The following NLRC3 variants were observed in gnomAD, a reference collection of about 807,000 sequenced individuals.
The protein encoded by NLRC3 is NLR family CARD domain-containing protein 3.
A neutral mutation model predicts 91.6 loss-of-function variants in NLRC3; 87 were observed. The observed-to-expected ratio is 0.95, with a 90% CI of 0.80 to 1.14. The LOEUF (loss-of-function observed/expected upper bound fraction) is 1.14, where lower values mean the gene tolerates loss of function less well. NLRC3 is among the 50% of genes most tolerant of loss of function. NLRC3 has a pLI of 0.00. For missense variants in NLRC3, 1,577 were observed against 1,418.6 expected, an observed-to-expected ratio of 1.11 and a Z score of -1.79; for synonymous variants, 694 against 625.3, an observed-to-expected ratio of 1.11 and a Z score of -1.64.
At position 3,564,107 on chromosome 16, in the gene NLRC3, C is replaced by T. The variant is rs368392722; in HGVS notation, c.830G>A (p.Gly277Glu). 4 of 1,613,710 alleles carry T rather than the reference C, an allele frequency of 2.5e-6. No individual in the cohort carries two copies. The highest frequency in any genetic ancestry group is 3.4e-6 in the Non-Finnish European group (4 of 1,179,894). The change falls in exon 5 of 20, where the codon GGG becomes GAG. Residue 277 changes from glycine to glutamate, a missense_variant. Physicochemically the swap from Gly to Glu is moderately conservative, Grantham distance 98. Coordinates refer to ENST00000359128, the MANE Select transcript of NLRC3 (RefSeq NM_178844.4). The surrounding 1 kb of genome is among the most constrained non-coding windows in gnomAD (Gnocchi z 5.9). ...SRPSASGQIPGGLVDRMTEIR... is the reference protein window; with the variant it reads ...SRPSASGQIPEGLVDRMTEIR... The stretch of plus-strand genomic sequence containing the variant: ...CTCCGTCATCCGGTCCACCAGGCCC[C>T]CTGGGATCTGGCCAGATGCACTGGG...
rs534961472 is a variant in NLRC3, at chr16:3,544,337, C to T, written c.2772-8G>A. The T allele has an allele frequency of 8.1e-6, 13 of 1,604,770 alleles. No homozygotes were observed. The African/African-American group carries it at 1.2e-4, about 15-fold the overall frequency. ...ATGGCGTTCTCCTGTAAACTAGACA[C>T]AGAGTATGACCCCTTTGGGTGCACG... On this transcript the variant is annotated splice_polypyrimidine_tract_variant and splice_region_variant and intron_variant, in intron 15 of 19. Transcript: ENST00000359128.
chr16:3,539,164 A>T lies in NLRC3; in HGVS notation c.*2661T>A, dbSNP rs1027882577. 6.6e-6 allele frequency: 1 copy of T among 152,164 alleles called. No individual in the cohort carries two copies. The highest frequency in any genetic ancestry group is 1.5e-5 in the Non-Finnish European group (1 of 68,046). 9.4% of individuals were successfully genotyped at this position (152,164 alleles called of 1,614,324 possible). On this transcript the variant is annotated 3_prime_UTR_variant, in exon 20 of 20. Coordinates refer to ENST00000359128, the MANE Select transcript of NLRC3 (RefSeq NM_178844.4). ...ATAGATCCCTCTCATTAGCACTTTA[A>T]TATCAGTGTCACGTGTCTGGAAGGA...
chr16:3,562,649 A>G (rs1428369437), intron 5 of NLRC3, among the ~76,000 whole-genome samples: 1 of 152,096 alleles, frequency 6.6e-6, no homozygotes, highest in East Asian at 1.9e-4. Flanking sequence ...TCAAAAAAAA[A>G]GAGAGGACAG....
At chr16:3,550,972 C>T (rs1240662349) in intron 10 of NLRC3, among the ~76,000 whole-genome samples, 1 of 152,046 alleles carries the variant, frequency 6.6e-6, no homozygotes, top group East Asian at 1.9e-4. Flanking sequence ...TACTTACCCA[C>T]CCACTCATTC....
At chr16:3,561,613 G>C in intron 6 of NLRC3, 89 bp downstream of exon 6, 1 of 891,996 alleles carries the variant, frequency 1.1e-6, no homozygotes, top group Non-Finnish European at 1.8e-6. Context: ...TGGCAGCGCC[G>C]CTGGCCAGCT....
chr16:3,560,597 A>G lies in NLRC3; in HGVS notation c.2015+1105T>C, dbSNP rs376275675. Among the ~76,000 whole-genome samples, 41 of 152,284 alleles carry G rather than the reference A, an allele frequency of 2.7e-4. No homozygotes were observed. The South Asian group carries it at 8.5e-3, about 32-fold the overall frequency. ...TCCAGGAGACGTTTCATAAGCACAC[A>G]TTCACCATGTGAACTTTTGTCTAAT... On this transcript the variant is annotated intron_variant, in intron 6 of 19. Coordinates refer to ENST00000359128, the MANE Select transcript of NLRC3 (RefSeq NM_178844.4).
rs765628481 is a variant in NLRC3, at chr16:3,564,459, G to A, written c.478C>T (p.Arg160Cys). 25 of 1,612,624 alleles carry A rather than the reference G, an allele frequency of 1.6e-5. No individual in the cohort carries two copies. The highest frequency in any genetic ancestry group is 6.7e-5 in the Admixed American group (4 of 60,028). ...CCGACCTGCCCATGGGCCCAGAGGC[G>A]GACGAAGTGCCTCACCAGGGTGGTC... Reference protein sequence around the residue: ...GKTTLVRHFVRLWAHGQVGKD... With the variant: ...GKTTLVRHFVCLWAHGQVGKD... The change falls in exon 5 of 20, where the codon CGC becomes TGC. Residue 160 changes from arginine (R) to cysteine (C), a missense_variant. Physicochemically the swap from Arg to Cys is radical, Grantham distance 180 (BLOSUM62 -3). Coordinates refer to ENST00000359128, the MANE Select transcript of NLRC3 (RefSeq NM_178844.4). This position sits in a 1 kb window ranked among gnomAD's most constrained non-coding sequence, Gnocchi z 5.9.
At position 3,559,461 on chromosome 16, in the gene NLRC3, T is replaced by G. The variant is rs140738065; in HGVS notation, c.2016-1785A>C. Among the ~76,000 whole-genome samples the G allele has an allele frequency of 3.9e-3, 594 of 152,262 alleles. 6 individuals carry two copies. The highest frequency in any genetic ancestry group is 0.014 in the African/African-American group (574 of 41,552). On this transcript the variant is annotated intron_variant, in intron 6 of 19. Coordinates refer to ENST00000359128, the MANE Select transcript of NLRC3 (RefSeq NM_178844.4). Reference sequence around the variant, plus strand: ...AGAATCTCCCCACCTTCCAGATTGCTAGGATTATAGGAAGGAGCCACTGTG... The same window carrying G: ...AGAATCTCCCCACCTTCCAGATTGCGAGGATTATAGGAAGGAGCCACTGTG...
chr16:3,563,440 G>C lies in NLRC3; in HGVS notation c.1497C>G (p.Ala499=), dbSNP rs1017621124. Residue 499 remains alanine, a synonymous_variant, in exon 5 of 20, where the codon GCC becomes GCG. Coordinates refer to ENST00000359128, the MANE Select transcript of NLRC3 (RefSeq NM_178844.4). ...LGFLTHFRSA[A]QRAMQAEDGR... is the part of the protein sequence containing the mutation. ...CGTCCTCTGCCTGCATGGCCCGCTG[G>C]GCTGCGCTCCTGAAATGCGTGAGGA... 11 of 1,577,070 alleles carry C rather than the reference G, an allele frequency of 7.0e-6. No individual in the cohort carries two copies. In the South Asian group the frequency reaches 1.2e-4, roughly 17 times the overall value.
chr16:3,545,653 C>T (rs1016211745), intron 15 of NLRC3: 1 of 152,218 alleles, frequency 6.6e-6, no homozygotes, highest in Non-Finnish European at 1.5e-5. Flanking sequence ...CAAGTGCAGG[C>T]TGCAGGGAAA....
At chr16:3,550,571 A>T (rs1407136948) in intron 10 of NLRC3, 74 bp from the exon 11 acceptor site, 11 of 1,110,910 alleles carry the variant, frequency 9.9e-6, no homozygotes, top group African/African-American at 1.5e-5. Context: ...GATCAGAGTC[A>T]GGGAAGCCCT....
chr16:3,558,464 T>G (rs2039454701), intron 6 of NLRC3, among the ~76,000 whole-genome samples: 1 of 152,118 alleles, frequency 6.6e-6, no homozygotes, highest in Non-Finnish European at 1.5e-5. Context: ...AATTTAACAA[T>G]CAGCTTTCGT....
chr16:3,556,353 A>AAAAAAAAG (rs2039327880), intron 8 of NLRC3, among the ~76,000 whole-genome samples: 1 of 130,068 alleles, frequency 7.7e-6, no homozygotes, highest in Admixed American at 8.3e-5. Flanking sequence ...AAAAAAAAAA[A>AAAAAAAAG]AGAGACGTAA....
intron 1 of NLRC3, among the ~76,000 whole-genome samples, chr16:3,574,094 C>T (rs552059016): frequency 1.6e-5 from 2 of 128,882 alleles, no homozygotes; most frequent in Admixed American, 9.5e-5. Flanking sequence ...ACTATCTCGT[C>T]TCACTGCAAC....
rs182490011 is a variant in NLRC3 at position 3,568,120 on chromosome 16, G to A, written c.-168-796C>T. 5.3e-5 allele frequency among the ~76,000 whole-genome samples: 8 copies of A among 152,194 alleles called. No homozygotes were observed. The East Asian group carries it at 1.2e-3, about 22-fold the overall frequency. On this transcript the variant is annotated intron_variant, in intron 1 of 19. Transcript: ENST00000359128. ...ACCTTGTGATCTGCCCACCTCAGCC[G>A]AGCCTAGCATTTTAACACAGGTGAT... is the stretch of plus-strand genomic sequence containing the variant.
intron 9 of NLRC3, among the ~76,000 whole-genome samples, chr16:3,552,726 T>A (rs1246189890): frequency 1.3e-5 from 2 of 152,008 alleles, no homozygotes; most frequent in African/African-American, 4.8e-5. Flanking sequence ...CGGATCACGA[T>A]GTTAACAGAT....
chr16:3,555,847 G>T (rs1351818978), intron 8 of NLRC3: 1 of 151,320 alleles, frequency 6.6e-6, no homozygotes, highest in African/African-American at 2.4e-5. Flanking sequence ...CTCCCAAAGT[G>T]CTGGGATTAC....
intron 6 of NLRC3, among the ~76,000 whole-genome samples, chr16:3,559,545 T>TG (rs1336494139): frequency 6.6e-6 from 1 of 152,158 alleles, no homozygotes; most frequent in Non-Finnish European, 1.5e-5. Flanking sequence ...AACTAAAAGT[T>TG]GGCTATTTTG....
rs779180081 is a variant in NLRC3 at position 3,577,153 on chromosome 16, CG to C, written c.-174del. The C allele has an allele frequency of 1.8e-5, 13 of 702,970 alleles. No homozygotes were observed. The highest frequency in any genetic ancestry group is 2.9e-5 in the Non-Finnish European group (11 of 385,028). 43.5% of individuals were successfully genotyped at this position (702,970 alleles called of 1,614,324 possible). On this transcript the variant is annotated 5_prime_UTR_variant, in exon 1 of 20. It introduces an in-frame stop codon into an upstream open reading frame of the 5' UTR. Coordinates refer to ENST00000359128, the MANE Select transcript of NLRC3 (RefSeq NM_178844.4). ...GGTCACCTGGACCCAACTTACCTCC[CG>C]GGCCTCGATGCTGCTCCAGGGACAG...
Sources: allele counts gnomAD v4.1 joint callset (sites outside exome capture counted in the v4.1 genomes callset), GRCh38; gene constraint gnomAD v4.1.1; non-coding constraint Gnocchi (gnomAD v3.1); transcripts MANE v1.5; gene names NCBI Gene and HGNC (gene_info 2026-07-23, HGNC 2026-07-21).